SH2B2: variants seen among roughly 807,000 people sequenced by gnomAD.
SH2B2 encodes SH2B adaptor protein 2.
A neutral mutation model predicts 35.7 loss-of-function variants in SH2B2; 37 were observed. The observed-to-expected ratio is 1.04, with a 90% confidence interval of 0.80 to 1.36. The LOEUF is 1.36. Ranked by LOEUF, SH2B2 falls within the 40% of genes most tolerant of loss-of-function variation. The probability of loss-of-function intolerance (pLI) is 0.00; values close to 1 mark genes in which losing one functional copy is unlikely to be tolerated. For missense variants in SH2B2, 852 were observed against 817.7 expected, an observed-to-expected ratio of 1.04 and a Z score of -0.51; for synonymous variants, 383 against 376.4, an observed-to-expected ratio of 1.02 and a Z score of -0.20.
chr7:102,299,834 T>A (rs1030244927), intron 1 of SH2B2, among the ~76,000 whole-genome samples: 1 of 152,234 alleles, frequency 6.6e-6, no homozygotes, highest in African/African-American at 2.4e-5. Flanking sequence ...GCCCCAGGAA[T>A]GACCCTGAGG....
chr7:102,296,583 T>G (rs1792927207), intron 1 of SH2B2, among the ~76,000 whole-genome samples: 1 of 152,194 alleles, frequency 6.6e-6, no homozygotes, highest in Admixed American at 6.5e-5. Flanking sequence ...CCCCAGGTGA[T>G]GGGCTGGGCC....
intron 1 of SH2B2, among the ~76,000 whole-genome samples, chr7:102,287,628 C>T (rs1377931177): frequency 6.6e-6 from 1 of 152,180 alleles, no homozygotes; most frequent in Non-Finnish European, 1.5e-5. Flanking sequence ...CCCCGGAGCC[C>T]CCGATTGCCG....
At position 102,308,874 on chromosome 7, in the gene SH2B2, G is replaced by C. The variant is rs782768176; in HGVS notation, c.891G>C (p.Trp297Cys). 1 of 1,613,724 alleles carries C rather than the reference G, an allele frequency of 6.2e-7. No individual in the cohort carries two copies. The highest frequency in any genetic ancestry group is 8.5e-7 in the Non-Finnish European group (1 of 1,179,890). Residue 297 changes from tryptophan to cysteine, a missense_variant, in exon 4 of 9, where the codon TGG becomes TGC. By Grantham distance (215) the Trp-to-Cys change is radical. Around this residue, in one of 3 missense-constraint regions of SH2B2, gnomAD observed 556 missense variants for 514.5 expected, o/e 1.08. Transcript: ENST00000444095. ...TCGACTCTCTGCAGAAGCACTCGTGGGTAGCTGACATCCAGGGCTGCGTGG... is the reference window on the plus strand; with the variant it reads ...TCGACTCTCTGCAGAAGCACTCGTGCGTAGCTGACATCCAGGGCTGCGTGG... ...ETIDSLQKHS[W>C]VADIQGCVDP... is the part of the protein sequence containing the mutation.
intron 8 of SH2B2, 51 bp from the exon 9 acceptor site, chr7:102,321,248 G>A (rs1298937551): frequency 2.2e-5 from 29 of 1,306,306 alleles, no homozygotes; most frequent in Non-Finnish European, 2.6e-5. Flanking sequence ...CTCCCTGCAG[G>A]ATGTGGCCAG....
At chr7:102,285,368 C>G (rs141697362), upstream of SH2B2, 53 of 772,304 alleles carry the variant, frequency 6.9e-5, no homozygotes, top group Middle Eastern at 4.5e-4. Context: ...CCTCCTCCCC[C>G]TTCCCGGCCT....
intron 1 of SH2B2, among the ~76,000 whole-genome samples, chr7:102,290,092 C>A (rs1554551511): frequency 6.7e-6 from 1 of 150,220 alleles, no homozygotes; most frequent in African/African-American, 2.5e-5. Context: ...CGCCCCCCCA[C>A]CCAGCCGCTC....
intron 7 of SH2B2, among the ~76,000 whole-genome samples, chr7:102,318,661 C>T (rs1248302420): frequency 6.6e-6 from 1 of 151,984 alleles, no homozygotes; most frequent in Non-Finnish European, 1.5e-5. Context: ...AGCTGGGGGA[C>T]AGTGTCTCTC....
chr7:102,286,139 CT>C (rs1644758410), upstream of SH2B2, among the ~76,000 whole-genome samples: 1 of 152,234 alleles, frequency 6.6e-6, no homozygotes, highest in Non-Finnish European at 1.5e-5. Flanking sequence ...CTCATCGCCC[CT>C]CTATGATCTC....
At chr7:102,312,702 CT>C (rs1162960339) in intron 4 of SH2B2, among the ~76,000 whole-genome samples, 62 of 151,544 alleles carry the variant, frequency 4.1e-4, no homozygotes, top group African/African-American at 1.4e-3. Context: ...TTTGTTTTTA[CT>C]TTTTTTTTCT....
intron 1 of SH2B2, among the ~76,000 whole-genome samples, chr7:102,288,601 A>G (rs1006757257): frequency 1.3e-5 from 2 of 152,124 alleles, no homozygotes; most frequent in Non-Finnish European, 2.9e-5. Flanking sequence ...GAGGACTTCT[A>G]TACAAATACC....
chr7:102,309,671 C>A, intron 4 of SH2B2: 1 of 171,764 alleles, frequency 5.8e-6, no homozygotes, highest in Middle Eastern at 2.7e-3. Flanking sequence ...AACCCTGTCT[C>A]TTAAAATAAA....
chr7:102,317,841 C>A (rs1052488775), intron 7 of SH2B2, among the ~76,000 whole-genome samples: 3 of 152,194 alleles, frequency 2.0e-5, no homozygotes, highest in Non-Finnish European at 4.4e-5. Flanking sequence ...AGCCCCTCTT[C>A]CCTGCCCAGG....
Position 102,306,769 on chromosome 7 carries a change from C to A in SH2B2, c.778C>A (p.Arg260Ser). Reference protein sequence around the residue: ...SIPLSAIIEVRTTMPLEMPEK... With the variant: ...SIPLSAIIEVSTTMPLEMPEK... The stretch of plus-strand genomic sequence containing the variant: ...CCCACTGTCAGCCATCATTGAGGTC[C>A]GCACCACCATGCCCCTGGAAATGCC... Residue 260 changes from arginine to serine, a missense_variant, in exon 3 of 9, where the codon CGC (arginine) becomes AGC (serine). Arg to Ser is a moderately radical substitution (Grantham distance 110). Coordinates refer to ENST00000444095, the MANE Select transcript of SH2B2 (RefSeq NM_001359228.2). 6.2e-7 allele frequency: 1 copy of A among 1,601,094 alleles called. No homozygotes were observed. Among genetic ancestry groups the A allele is most frequent in the East Asian group, 2.3e-5 (1 of 44,210 alleles).
intron 2 of SH2B2, among the ~76,000 whole-genome samples, chr7:102,302,379 A>T (rs1466025947): frequency 6.6e-6 from 1 of 152,204 alleles, no homozygotes; most frequent in South Asian, 2.1e-4. Flanking sequence ...GCCCCTGCCC[A>T]GGGGGTCCTT....
intron 6 of SH2B2, among the ~76,000 whole-genome samples, chr7:102,316,566 A>G (rs1342819332): frequency 1.3e-5 from 2 of 149,512 alleles, no homozygotes; most frequent in African/African-American, 4.9e-5. Context: ...CAGCCTGGGC[A>G]ACAGAGCAAG....
At chr7:102,291,251 G>A (rs531388597) in intron 1 of SH2B2, among the ~76,000 whole-genome samples, 3 of 152,268 alleles carry the variant, frequency 2.0e-5, no homozygotes, top group East Asian at 3.9e-4. Context: ...TGCAAAAGCC[G>A]GGGGGCTCAG....
intron 2 of SH2B2, 122 bp from the exon 3 acceptor site, chr7:102,306,599 T>G (rs1224278398): frequency 2.1e-5 from 15 of 711,852 alleles, no homozygotes; most frequent in South Asian, 1.9e-4. Context: ...TTGGGATACC[T>G]CTGTACCAGG....
chr7:102,317,376 A>G lies in SH2B2; in HGVS notation c.1376A>G (p.Asn459Ser). 6.3e-7 allele frequency: 1 copy of G among 1,585,242 alleles called. No homozygotes were observed. The highest frequency in any genetic ancestry group is 8.6e-7 in the Non-Finnish European group (1 of 1,159,236). ...CCTGGGGAGTACGTGCTGACCTTCA[A>G]CTTCCAGGGCAAGGCCAAGGCAAGT... ...TRPGEYVLTF[N>S]FQGKAKHLRL... The change falls in exon 7 of 9, where the codon AAC (asparagine) becomes AGC (serine). Residue 459 changes from asparagine (N) to serine (S), a missense_variant. Asn to Ser is a conservative substitution (Grantham distance 46). This residue lies in a region of SH2B2 where 556 missense variants were observed against 514.5 expected (regional missense o/e 1.08). Coordinates refer to ENST00000444095, the MANE Select transcript of SH2B2 (RefSeq NM_001359228.2).
chr7:102,318,081 C>G (rs1793922562), intron 7 of SH2B2, among the ~76,000 whole-genome samples: 1 of 152,140 alleles, frequency 6.6e-6, no homozygotes, highest in African/African-American at 2.4e-5. Flanking sequence ...ATGGTACACC[C>G]AGGCGGTGTG....
Sources: gnomAD v4.1 joint callset for allele counts (sites outside exome capture counted in the v4.1 genomes callset) on GRCh38, gnomAD v4.1.1 for gene constraint, gnomAD v4.1.1 regional missense constraint, MANE v1.5 for transcripts, NCBI Gene and HGNC (gene_info 2026-07-23, HGNC 2026-07-21) for gene names.